The following CA10 variants were observed in gnomAD, a reference collection of about 807,000 sequenced individuals.
CA10 encodes the protein carbonic anhydrase 10 (inactive), also known as carbonic anhydrase-related protein 10.
A neutral mutation model predicts 44.2 loss-of-function variants in CA10; 14 were observed. The ratio of observed to expected loss-of-function variants is 0.32; its 90% CI spans 0.21 to 0.50. The LOEUF (loss-of-function observed/expected upper bound fraction) is 0.50, where lower values mean the gene tolerates loss of function less well. Among genes scored for constraint, CA10 ranks in the 20% least tolerant of loss-of-function variants. The pLI, the probability that CA10 is intolerant of heterozygous loss-of-function variation, is 0.99. For missense variants in CA10, 350 were observed against 409.7 expected, an observed-to-expected ratio of 0.85 and a Z score of 1.26; for synonymous variants, 159 against 141.6, an observed-to-expected ratio of 1.12 and a Z score of -0.87.
chr17:51,818,158 C>T (rs1422369854), intron 3 of CA10, among the ~76,000 whole-genome samples: 2 of 152,202 alleles, frequency 1.3e-5, no homozygotes, highest in Non-Finnish European at 2.9e-5. Flanking sequence ...GTCACTTAAC[C>T]TCTCTGAGCC....
intron 4 of CA10, among the ~76,000 whole-genome samples, chr17:51,731,966 C>A (rs904324129): frequency 3.9e-5 from 6 of 152,166 alleles, no homozygotes; most frequent in African/African-American, 1.4e-4. Flanking sequence ...AGATCCAGTG[C>A]TAAGGTTATC....
chr17:51,795,549 A>C (rs1567842206), intron 3 of CA10, among the ~76,000 whole-genome samples: 1 of 152,212 alleles, frequency 6.6e-6, no homozygotes, highest in Non-Finnish European at 1.5e-5. Context: ...AGATTTAATG[A>C]CTCAGAATAC....
intron 1 of CA10, among the ~76,000 whole-genome samples, chr17:52,085,203 C>A (rs1988086202): frequency 6.6e-6 from 1 of 152,182 alleles, no homozygotes; most frequent in Non-Finnish European, 1.5e-5. Flanking sequence ...CTAATCCATT[C>A]TTTCCTTCAC....
At chr17:51,968,018 G>A (rs1984144531) in intron 2 of CA10, among the ~76,000 whole-genome samples, 1 of 151,802 alleles carries the variant, frequency 6.6e-6, no homozygotes, top group Admixed American at 6.6e-5. Flanking sequence ...TAAAAGCCTA[G>A]TGTTGTCTCC....
chr17:51,651,572 A>G (rs1049201695), intron 5 of CA10, among the ~76,000 whole-genome samples: 5 of 152,226 alleles, frequency 3.3e-5, no homozygotes, highest in Non-Finnish European at 7.3e-5. Flanking sequence ...TTCTTTCAAC[A>G]GCCTGTGGGC....
At chr17:52,116,798 T>G (rs1032067152) in intron 1 of CA10, among the ~76,000 whole-genome samples, 2 of 152,208 alleles carry the variant, frequency 1.3e-5, no homozygotes, top group African/African-American at 2.4e-5. Flanking sequence ...GGCTTCCCTC[T>G]CCCTGTGCAC....
intron 4 of CA10, among the ~76,000 whole-genome samples, chr17:51,745,847 C>T (rs1240378596): frequency 6.6e-6 from 1 of 151,984 alleles, no homozygotes; most frequent in Non-Finnish European, 1.5e-5. Flanking sequence ...TAACAGCAAA[C>T]AAAAAAATGA....
intron 3 of CA10, among the ~76,000 whole-genome samples, chr17:51,772,506 GA>G (rs1400100170): frequency 2.6e-5 from 4 of 151,992 alleles, no homozygotes; most frequent in African/African-American, 7.3e-5. Context: ...GCCATGAAGA[GA>G]ACTAAAATAT....
At chr17:51,687,463 A>G (rs147461936) in intron 4 of CA10, among the ~76,000 whole-genome samples, 2 of 152,346 alleles carry the variant, frequency 1.3e-5, no homozygotes, top group African/African-American at 4.8e-5. Flanking sequence ...AGCCTGGCAC[A>G]TACTAGGTGC....
At chr17:51,703,425 T>C (rs1226065396) in intron 4 of CA10, among the ~76,000 whole-genome samples, 2 of 152,150 alleles carry the variant, frequency 1.3e-5, no homozygotes, top group African/African-American at 4.8e-5. Context: ...GTATTGGCCC[T>C]GGGGTGGGCC....
intron 4 of CA10, among the ~76,000 whole-genome samples, chr17:51,695,440 G>C (rs1241399708): frequency 6.6e-6 from 1 of 152,066 alleles, no homozygotes; most frequent in Non-Finnish European, 1.5e-5. Flanking sequence ...GCTATTGTAA[G>C]AGGGATTGTG....
intron 3 of CA10, among the ~76,000 whole-genome samples, chr17:51,781,474 G>T (rs2143677944): frequency 6.6e-6 from 1 of 152,316 alleles, no homozygotes; most frequent in South Asian, 2.1e-4. Flanking sequence ...ATTTGGCCAT[G>T]AGTCCAGAGG....
intron 2 of CA10, among the ~76,000 whole-genome samples, chr17:52,010,197 A>C (rs203001): frequency 0.65 from 99,047 of 151,822 alleles, 33,629 homozygotes; most frequent in African/African-American, 0.82. Context: ...TGTGGCGATT[A>C]CTTAAAGAAC....
At chr17:51,663,966 T>C (rs1378094932) in intron 4 of CA10, among the ~76,000 whole-genome samples, 3 of 152,236 alleles carry the variant, frequency 2.0e-5, no homozygotes, top group African/African-American at 7.2e-5. Flanking sequence ...ATAGATATAC[T>C]GAACATGTCT....
intron 3 of CA10, among the ~76,000 whole-genome samples, chr17:51,826,702 T>C (rs1598065732): frequency 1.3e-5 from 2 of 152,130 alleles, no homozygotes; most frequent in South Asian, 4.1e-4. Flanking sequence ...GCTAGTTGGG[T>C]TTGGCCAATG....
chr17:51,917,362 T>C (rs1982046190), intron 3 of CA10, among the ~76,000 whole-genome samples: 1 of 106,066 alleles, frequency 9.4e-6, no homozygotes. Flanking sequence ...TACTGAAGGC[T>C]GCCTCCCTAG....
Position 51,894,494 on chromosome 17 carries a change from G to C in CA10, c.279+36496C>G, listed in dbSNP as rs192003974. 1.9e-3 allele frequency among the ~76,000 whole-genome samples: 285 copies of C among 152,228 alleles called. 1 individual carries two copies. Among genetic ancestry groups the C allele is most frequent in the African/African-American group, 6.4e-3 (268 of 41,556 alleles). Reference sequence around the variant, plus strand: ...AAGACTTCCCAGTGCCCCAATCCCTGAAAGGAGCCAGGGCTTCTGTCTTAA... The same window carrying C: ...AAGACTTCCCAGTGCCCCAATCCCTCAAAGGAGCCAGGGCTTCTGTCTTAA... On this transcript the variant is annotated intron_variant, in intron 3 of 8. Coordinates refer to ENST00000451037, the MANE Select transcript of CA10 (RefSeq NM_020178.5).
intron 3 of CA10, among the ~76,000 whole-genome samples, chr17:51,793,983 G>C (rs2143702512): frequency 6.6e-6 from 1 of 152,344 alleles, no homozygotes; most frequent in East Asian, 1.9e-4. Context: ...AATGGCAAAT[G>C]GTGACTGTGG....
At position 52,158,632 on chromosome 17, in the gene CA10, AT is replaced by A; in HGVS notation, c.-847del. The A allele has an allele frequency of 6.6e-6, 1 of 152,664 alleles. No individual in the cohort carries two copies. The highest frequency in any genetic ancestry group is 1.5e-5 in the Non-Finnish European group (1 of 68,466). The allele number at this position is 152,664 out of a possible 1,614,324, so 9.5% of individuals were successfully genotyped here. ...CGCGCGCCCTTCCTGCTCCTCTGCT[AT>A]TTTCCTGAACTCCCCAGAACCCCCA... On this transcript the variant is annotated 5_prime_UTR_variant, in exon 1 of 9. The change abolishes the stop of an existing upstream ORF in the 5' untranslated region. Transcript: ENST00000451037.
Sources: allele counts gnomAD v4.1 joint callset (sites outside exome capture counted in the v4.1 genomes callset), GRCh38; gene constraint gnomAD v4.1.1; transcripts MANE v1.5; gene names NCBI Gene and HGNC (gene_info 2026-07-23, HGNC 2026-07-21).